The following VN1R1 variants were observed in gnomAD, a reference collection of about 807,000 sequenced individuals.
VN1R1 encodes the protein vomeronasal type-1 receptor 1.
For missense variants in VN1R1, 391 were observed against 410.3 expected (o/e 0.95, Z 0.41); for synonymous variants, 168 against 149.8 (o/e 1.12, Z -0.89).
At position 57,455,183 on chromosome 19, in the gene VN1R1, A is replaced by G; in HGVS notation, c.*242T>C. The G allele has an allele frequency of 2.3e-6, 1 of 438,262 alleles. No individual in the cohort carries two copies. The highest frequency in any genetic ancestry group is 3.6e-5 in the South Asian group (1 of 28,084). 27.1% of individuals were successfully genotyped at this position (438,262 alleles called of 1,614,324 possible). A position where few individuals can be genotyped will look rare whatever the true frequency, so the allele number is the denominator to read the frequency against. ...TGAGAAATCTCCCCTAAATCTCTAAAGAATTCCCTTTTTAAACTTTTTGAT... is the reference window on the plus strand; with the variant it reads ...TGAGAAATCTCCCCTAAATCTCTAAGGAATTCCCTTTTTAAACTTTTTGAT... On this transcript the variant is annotated 3_prime_UTR_variant, in exon 1 of 1. Coordinates refer to ENST00000321039, the MANE Select transcript of VN1R1 (RefSeq NM_020633.4).
rs1413867518 is a variant in VN1R1, at chr19:57,455,528, C to T, written c.959G>A (p.Arg320His). The change falls in exon 1 of 1, where the codon CGC becomes CAC. Residue 320 changes from arginine to histidine, a missense_variant. Coordinates refer to ENST00000321039, the MANE Select transcript of VN1R1 (RefSeq NM_020633.4). ...ACTCATGATGAGGACAAAAGGGCTG[C>T]GTGCTGGGAAACATGAGGCGACCAA... ...SVLVASCFPA[R>H]SPFVLIMSDT... 13 of 1,613,998 alleles carry T rather than the reference C, an allele frequency of 8.1e-6. No individual in the cohort carries two copies. The highest frequency in any genetic ancestry group is 3.3e-4 in the Middle Eastern group (2 of 6,084).
Position 57,455,384 on chromosome 19 carries a change from A to G in VN1R1, c.*41T>C. 1 of 1,540,692 alleles carries G rather than the reference A, an allele frequency of 6.5e-7. No homozygotes were observed. The highest frequency in any genetic ancestry group is 8.8e-7 in the Non-Finnish European group (1 of 1,137,048). On this transcript the variant is annotated 3_prime_UTR_variant, in exon 1 of 1. Coordinates refer to ENST00000321039, the MANE Select transcript of VN1R1 (RefSeq NM_020633.4). ...AGTTAATATTTCCTAAATCTTAGCA[A>G]GAGTTATGATAAATAGCTGAATTCC...
In VN1R1 at chr19:57,455,553, A is replaced by C. The variant is rs751692426; in HGVS notation, c.934T>G (p.Leu312Val). Residue 312 changes from leucine to valine, a missense_variant, in exon 1 of 1, where the codon TTG becomes GTG. Leu to Val is a conservative substitution (Grantham distance 32). Coordinates refer to ENST00000321039, the MANE Select transcript of VN1R1 (RefSeq NM_020633.4). ...PGQWIVTNSV[L>V]VASCFPARSP... ...CGTGCTGGGAAACATGAGGCGACCAACACAGAGTTGGTCACTATCCACTGG... is the reference window on the plus strand; with the variant it reads ...CGTGCTGGGAAACATGAGGCGACCACCACAGAGTTGGTCACTATCCACTGG... 2.5e-6 allele frequency: 4 copies of C among 1,614,192 alleles called. No homozygotes were observed. The South Asian group carries it at 4.4e-5, about 18-fold the overall frequency.
Position 57,455,737 on chromosome 19 carries a change from C to G in VN1R1, c.750G>C (p.Lys250Asn). Reference protein sequence around the residue: ...GSMVFFLYRHKQQVQHNHSNR... With the variant: ...GSMVFFLYRHNQQVQHNHSNR... ...TGCTGTGATTGTGTTGGACTTGCTG[C>G]TTGTGTCTGTAGAGGAAGAAGACCA... The change falls in exon 1 of 1, where the codon AAG (lysine) becomes AAC (asparagine). Residue 250 changes from lysine to asparagine, a missense_variant. Transcript: ENST00000321039. 1 of 1,614,178 alleles carries G rather than the reference C, an allele frequency of 6.2e-7. No homozygotes were observed. Among genetic ancestry groups the G allele is most frequent in the Non-Finnish European group, 8.5e-7 (1 of 1,180,026 alleles).
chr19:57,455,893 G>A lies in VN1R1; in HGVS notation c.594C>T (p.Asn198=). The change falls in exon 1 of 1, where the codon AAC becomes AAT. Residue 198 remains asparagine, a synonymous_variant. Transcript: ENST00000321039. The part of the protein sequence containing the change: ...LLVNGPLNSK[N]SSAKNNYGYC... ...ATCCATAATTGTTTTTTGCACTACT[G>A]TTTTTGCTATTCAGTGGGCCATTCA... is the stretch of plus-strand genomic sequence containing the variant. 1 of 1,614,160 alleles carries A rather than the reference G, an allele frequency of 6.2e-7. No individual in the cohort carries two copies.
At position 57,455,342 on chromosome 19, in the gene VN1R1, T is replaced by G; in HGVS notation, c.*83A>C. 1 of 1,273,238 alleles carries G rather than the reference T, an allele frequency of 7.9e-7. No individual in the cohort carries two copies. Among genetic ancestry groups the G allele is most frequent in the Non-Finnish European group, 1.1e-6 (1 of 915,220 alleles). 78.9% of individuals were successfully genotyped at this position (1,273,238 alleles called of 1,614,324 possible). On this transcript the variant is annotated 3_prime_UTR_variant, in exon 1 of 1. Transcript: ENST00000321039. ...GCATTACTGGCCATGTGTATGTTGC[T>G]ATCACAAATAACTAGTAGTTAATAT...
chr19:57,456,121 CTT>C, the VN1R1 span: 6 of 1,614,184 alleles, frequency 3.7e-6, no homozygotes, highest in Non-Finnish European at 5.1e-6. Flanking sequence ...AAAAGACAAA[CTT>C]ACATCCAGTG....
In VN1R1 at chr19:57,456,384, G is replaced by A; in HGVS notation, c.103C>T (p.Pro35Ser). The part of the protein sequence containing the change: ...DSSDLNENQH[P>S]LDFDEMAFGK... ...AAAGCCATTTCATCAAAATCTAGGGGATGTTGATTTTCATTGAGGTCTGAA... is the reference window on the plus strand; with the variant it reads ...AAAGCCATTTCATCAAAATCTAGGGAATGTTGATTTTCATTGAGGTCTGAA... Residue 35 changes from proline (P) to serine (S), a missense_variant, in exon 1 of 1, where the codon CCC becomes TCC. By Grantham distance (74) the Pro-to-Ser change is moderately conservative. Transcript: ENST00000321039. 2.5e-6 allele frequency: 4 copies of A among 1,613,672 alleles called. No individual in the cohort carries two copies. Among genetic ancestry groups the A allele is most frequent in the Non-Finnish European group, 3.4e-6 (4 of 1,179,592 alleles).
At position 57,455,810 on chromosome 19, in the gene VN1R1, G is replaced by A. The variant is rs1396425667; in HGVS notation, c.677C>T (p.Ser226Phe). The change falls in exon 1 of 1, where the codon TCC (serine) becomes TTC (phenylalanine). Residue 226 changes from serine to phenylalanine, a missense_variant. Physicochemically the swap from Ser to Phe is radical, Grantham distance 155. Transcript: ENST00000321039. Reference sequence around the variant, plus strand: ...GAAGCCCAAACTCATAAAATCAGGGGAAAAATATAAGACTGCATGTAATGA... The same window carrying A: ...GAAGCCCAAACTCATAAAATCAGGGAAAAAATATAAGACTGCATGTAATGA... ...FSSLHAVLYF[S>F]PDFMSLGFMV... The A allele has an allele frequency of 6.2e-7, 1 of 1,614,050 alleles. No homozygotes were observed. The highest frequency in any genetic ancestry group is 1.7e-5 in the Admixed American group (1 of 60,004).
rs923482212 is a variant in VN1R1, at chr19:57,455,356, A to G, written c.*69T>C. The G allele has an allele frequency of 3.6e-6, 5 of 1,376,218 alleles. No individual in the cohort carries two copies. The South Asian group carries it at 5.5e-5, about 15-fold the overall frequency. The allele number at this position is 1,376,218 out of a possible 1,614,324, so 85.3% of individuals were successfully genotyped here. On this transcript the variant is annotated 3_prime_UTR_variant, in exon 1 of 1. Transcript: ENST00000321039. ...GTGTATGTTGCTATCACAAATAACT[A>G]GTAGTTAATATTTCCTAAATCTTAG...
In VN1R1 at chr19:57,456,280, A is replaced by G. The variant is rs756441436; in HGVS notation, c.207T>C (p.Phe69=). ...GTCCAGTGAACAAAATTAAGTTATA[A>G]AAACAAAGGAGAAAGGAATTTCCCA... ...GILGNSFLLC[F]YNLILFTGHK... The change falls in exon 1 of 1, where the codon TTT becomes TTC. Residue 69 remains phenylalanine (F), a synonymous_variant. Transcript: ENST00000321039. 35 of 1,613,172 alleles carry G rather than the reference A, an allele frequency of 2.2e-5. No homozygotes were observed. In the Middle Eastern group the frequency reaches 1.5e-3, roughly 68 times the overall value.
In VN1R1 at chr19:57,456,620, A is replaced by T. The variant is rs1254874324; in HGVS notation, c.-134T>A. ...AACAGATCCACAAATCAAACCTATA[A>T]AACTCAGGGCTTACACACATGCAAC... On this transcript the variant is annotated 5_prime_UTR_variant, in exon 1 of 1. Transcript: ENST00000321039. The T allele has an allele frequency of 2.9e-6, 2 of 680,900 alleles. No homozygotes were observed. The highest frequency in any genetic ancestry group is 4.7e-6 in the Non-Finnish European group (2 of 427,390). 42.2% of individuals were successfully genotyped at this position (680,900 alleles called of 1,614,324 possible). A position where few individuals can be genotyped will look rare whatever the true frequency, so the allele number is the denominator to read the frequency against.
At position 57,456,151 on chromosome 19, in the gene VN1R1, C is replaced by T; in HGVS notation, c.336G>A (p.Leu112=). 6.2e-7 allele frequency: 1 copy of T among 1,614,152 alleles called. No homozygotes were observed. The highest frequency in any genetic ancestry group is 1.1e-5 in the South Asian group (1 of 91,082). ...ATCCAGTGTCATTCAGCAAATATTT[C>T]AATCCAAAAGCTGCCATTGTCTGAG... ...GIPQTMAAFG[L]KYLLNDTGCK... is the part of the protein sequence containing the mutation. Residue 112 remains leucine (L), a synonymous_variant, in exon 1 of 1, where the codon TTG becomes TTA. Coordinates refer to ENST00000321039, the MANE Select transcript of VN1R1 (RefSeq NM_020633.4).
In VN1R1 at chr19:57,455,790, C is replaced by T. The variant is rs2089128135; in HGVS notation, c.697G>A (p.Gly233Ser). The change falls in exon 1 of 1, where the codon GGC becomes AGC. Residue 233 changes from glycine (G) to serine (S), a missense_variant. Coordinates refer to ENST00000321039, the MANE Select transcript of VN1R1 (RefSeq NM_020633.4). ...GAGCCACTGGCCCAGACCATGAAGC[C>T]CAAACTCATAAAATCAGGGGAAAAA... ...LYFSPDFMSL[G>S]FMVWASGSMV... 2 of 1,614,108 alleles carry T rather than the reference C, an allele frequency of 1.2e-6. No individual in the cohort carries two copies. The highest frequency in any genetic ancestry group is 8.5e-7 in the Non-Finnish European group (1 of 1,180,028).
In VN1R1 at chr19:57,455,318, C is replaced by A; in HGVS notation, c.*107G>T. On this transcript the variant is annotated 3_prime_UTR_variant, in exon 1 of 1. Transcript: ENST00000321039. ...GGTATTAGATCTTCCTGGACAAGAGCATTACTGGCCATGTGTATGTTGCTA... is the reference window on the plus strand; with the variant it reads ...GGTATTAGATCTTCCTGGACAAGAGAATTACTGGCCATGTGTATGTTGCTA... 9.8e-7 allele frequency: 1 copy of A among 1,019,544 alleles called. No individual in the cohort carries two copies. Among genetic ancestry groups the A allele is most frequent in the Non-Finnish European group, 1.4e-6 (1 of 700,090 alleles). 63.2% of individuals were successfully genotyped at this position (1,019,544 alleles called of 1,614,324 possible).
chr19:57,456,923 T>C lies in VN1R1; in HGVS notation c.-437A>G, dbSNP rs1024630006. On this transcript the variant is annotated 5_prime_UTR_variant, in exon 1 of 1. Coordinates refer to ENST00000321039, the MANE Select transcript of VN1R1 (RefSeq NM_020633.4). The stretch of plus-strand genomic sequence containing the variant: ...ATATTTTAGTAAACACCATTGTTAT[T>C]GATGCATTGAAACAAATTTTAGGCC... 2 of 153,140 alleles carry C rather than the reference T, an allele frequency of 1.3e-5. No individual in the cohort carries two copies. The highest frequency in any genetic ancestry group is 2.9e-5 in the Non-Finnish European group (2 of 68,794). The allele number at this position is 153,140 out of a possible 1,614,324, so 9.5% of individuals were successfully genotyped here. A position where few individuals can be genotyped will look rare whatever the true frequency, so the allele number is the denominator to read the frequency against.
Position 57,455,865 on chromosome 19 carries a change from A to T in VN1R1, c.622T>A (p.Cys208Ser). The change falls in exon 1 of 1, where the codon TGT (cysteine) becomes AGT (serine). Residue 208 changes from cysteine to serine, a missense_variant. By Grantham distance (112) the Cys-to-Ser change is moderately radical (BLOSUM62 -1). Coordinates refer to ENST00000321039, the MANE Select transcript of VN1R1 (RefSeq NM_020633.4). ...AATCTCTTTGATGCTTTGTAAGAAC[A>T]GTATCCATAATTGTTTTTTGCACTA... ...NSSAKNNYGY[C>S]SYKASKRFSS... 6.2e-7 allele frequency: 1 copy of T among 1,614,252 alleles called. No homozygotes were observed. Among genetic ancestry groups the T allele is most frequent in the Non-Finnish European group, 8.5e-7 (1 of 1,180,044 alleles).
chr19:57,456,988 AGG>A lies in VN1R1; in HGVS notation c.-504_-503del, dbSNP rs2089135625. 1 of 152,126 alleles carries A rather than the reference AGG, an allele frequency of 6.6e-6. No homozygotes were observed. The highest frequency in any genetic ancestry group is 6.6e-5 in the Admixed American group (1 of 15,246). 9.4% of individuals were successfully genotyped at this position (152,126 alleles called of 1,614,324 possible). ...ACACCTGTAATTCCAGCACTTCGGG[AGG>A]CCAAGATGGAGACCATCCTGGCCAA... On this transcript the variant is annotated 5_prime_UTR_variant, in exon 1 of 1. It introduces an in-frame stop codon into an upstream open reading frame of the 5' UTR. Transcript: ENST00000321039.
In VN1R1 at chr19:57,456,818, T is replaced by G. The variant is rs2089134760; in HGVS notation, c.-332A>C. 1 of 205,010 alleles carries G rather than the reference T, an allele frequency of 4.9e-6. No individual in the cohort carries two copies. Among genetic ancestry groups the G allele is most frequent in the South Asian group, 1.8e-4 (1 of 5,506 alleles). The allele number at this position is 205,010 out of a possible 1,614,324, so 12.7% of individuals were successfully genotyped here. A position where few individuals can be genotyped will look rare whatever the true frequency, so the allele number is the denominator to read the frequency against. ...TTATGACTGCTTGTGAGTCTACACTTATTTCAATAAAACCTTCAATTAAGT... is the reference window on the plus strand; with the variant it reads ...TTATGACTGCTTGTGAGTCTACACTGATTTCAATAAAACCTTCAATTAAGT... On this transcript the variant is annotated 5_prime_UTR_variant, in exon 1 of 1. Coordinates refer to ENST00000321039, the MANE Select transcript of VN1R1 (RefSeq NM_020633.4).
Sources: gnomAD v4.1 joint callset for allele counts on GRCh38, gnomAD v4.1.1 for gene constraint, MANE v1.5 for transcripts, NCBI Gene and HGNC (gene_info 2026-07-23, HGNC 2026-07-21) for gene names.